Variants in PPHLN1 observed in about 807,000 individuals in gnomAD.
PPHLN1 encodes periphilin-1.
Under a neutral mutation model 51.3 loss-of-function variants are expected in PPHLN1, and 29 were observed. That is an observed-to-expected ratio of 0.57 (90% CI 0.42 to 0.77). PPHLN1 has a LOEUF of 0.77. Among genes scored for constraint, PPHLN1 ranks in the 30% least tolerant of loss-of-function variants. PPHLN1 has a pLI of 0.00. For synonymous variants in PPHLN1, 147 were observed against 147.8 expected, an observed-to-expected ratio of 0.99 and a Z score of 0.04; for missense variants, 436 against 438.4, an observed-to-expected ratio of 0.99 and a Z score of 0.05.
chr12:42,326,738 C>G (rs1592117527), intron 1 of PPHLN1, among the ~76,000 whole-genome samples: 1 of 152,144 alleles, frequency 6.6e-6, no homozygotes, highest in Non-Finnish European at 1.5e-5. Flanking sequence ...TCCTGTAAAT[C>G]TATAATGGCT....
At chr12:42,400,931 C>T (rs1259406735) in intron 9 of PPHLN1, among the ~76,000 whole-genome samples, 1 of 151,958 alleles carries the variant, frequency 6.6e-6, no homozygotes, top group African/African-American at 2.4e-5. Context: ...TGTTGTGAAC[C>T]ATGTTTTCAA....
At chr12:42,396,089 A>G (rs1331710804) in intron 8 of PPHLN1, among the ~76,000 whole-genome samples, 1 of 152,186 alleles carries the variant, frequency 6.6e-6, no homozygotes, top group East Asian at 1.9e-4. Flanking sequence ...AAGAAAAAAA[A>G]AGATTCTAGT....
intron 3 of PPHLN1, 26 bp downstream of exon 3, chr12:42,352,075 A>T: frequency 7.1e-7 from 1 of 1,399,326 alleles, no homozygotes; most frequent in South Asian, 1.9e-5. Context: ...CCATGTACTA[A>T]TTGTTATTTC....
intron 9 of PPHLN1, chr12:42,399,985 A>G (rs960613258): frequency 3.9e-5 from 6 of 152,242 alleles, no homozygotes; most frequent in African/African-American, 7.2e-5. Context: ...CAGTATATCT[A>G]TCTTTAACAC....
chr12:42,355,017 A>G (rs1353254668), intron 3 of PPHLN1, 144 bp from the exon 4 acceptor site: 2 of 685,910 alleles, frequency 2.9e-6, no homozygotes, highest in East Asian at 2.8e-5. Context: ...AGTTGTTGAA[A>G]TGGATGACTT....
chr12:42,436,294 C>A (rs1381407682), intron 9 of PPHLN1, among the ~76,000 whole-genome samples: 2 of 152,188 alleles, frequency 1.3e-5, no homozygotes, highest in Non-Finnish European at 2.9e-5. Flanking sequence ...TTTAGCTATT[C>A]ATTCAACATT....
chr12:42,338,126 C>A (rs1049820317), intron 2 of PPHLN1, among the ~76,000 whole-genome samples: 1 of 152,100 alleles, frequency 6.6e-6, no homozygotes, highest in Non-Finnish European at 1.5e-5. Context: ...AGGGTTTTGC[C>A]GTGTTGGCCA....
intron 9 of PPHLN1, among the ~76,000 whole-genome samples, chr12:42,403,171 T>TAATAGAAAAACA (rs2078990480): frequency 6.6e-6 from 1 of 152,198 alleles, no homozygotes; most frequent in Non-Finnish European, 1.5e-5. Flanking sequence ...TTCTTTGTTT[T>TAATAGAAAAACA]TCCTTTTTAT....
intron 9 of PPHLN1, among the ~76,000 whole-genome samples, chr12:42,409,718 A>G (rs185234720): frequency 1.4e-4 from 21 of 152,156 alleles, no homozygotes; most frequent in Non-Finnish European, 2.2e-4. Flanking sequence ...ATTGTCCTGA[A>G]CGTATCCACT....
At chr12:42,399,122 T>G in intron 9 of PPHLN1, 128 bp downstream of exon 9, 1 of 1,436,686 alleles carries the variant, frequency 7.0e-7, no homozygotes, top group Non-Finnish European at 9.1e-7. Flanking sequence ...CTTAAAAAAT[T>G]ATAAAAATTG....
At chr12:42,404,553 A>AACAACAACAACAACAACAAC (rs1476690035) in intron 9 of PPHLN1, among the ~76,000 whole-genome samples, 11 of 109,450 alleles carry the variant, frequency 1.0e-4, no homozygotes, top group African/African-American at 4.2e-4. Flanking sequence ...ACAACAACAA[A>AACAACAACAACAACAACAAC]AATATTTCAT....
intron 9 of PPHLN1, among the ~76,000 whole-genome samples, chr12:42,425,042 G>A (rs968861058): frequency 3.5e-5 from 5 of 143,712 alleles, no homozygotes; most frequent in South Asian, 2.2e-4. Context: ...TTTATTTTAT[G>A]TATGTATGTA....
chr12:42,416,246 A>G (rs1565984385), intron 9 of PPHLN1, among the ~76,000 whole-genome samples: 1 of 152,198 alleles, frequency 6.6e-6, no homozygotes, highest in East Asian at 1.9e-4. Context: ...TATTGCATTG[A>G]ATTCACAGAG....
intron 9 of PPHLN1, among the ~76,000 whole-genome samples, chr12:42,406,017 C>T (rs1421994512): frequency 1.3e-5 from 2 of 152,002 alleles, no homozygotes; most frequent in African/African-American, 4.8e-5. Context: ...ATCCGTTCAT[C>T]TCCCCTCCTA....
At chr12:42,445,905 T>C, downstream of PPHLN1, 1 of 1,442,750 alleles carries the variant, frequency 6.9e-7, no homozygotes. Context: ...TAAATAGTAA[T>C]ATATGGCATG....
chr12:42,334,776 TC>T (rs2070337410), intron 1 of PPHLN1, among the ~76,000 whole-genome samples: 2 of 152,236 alleles, frequency 1.3e-5, no homozygotes, highest in African/African-American at 4.8e-5. Flanking sequence ...AGAACCTGCT[TC>T]ATGATTGCTT....
chr12:42,415,089 C>A (rs1232292972), intron 9 of PPHLN1, among the ~76,000 whole-genome samples: 3 of 152,126 alleles, frequency 2.0e-5, no homozygotes, highest in Non-Finnish European at 4.4e-5. Flanking sequence ...TGAACGTGGA[C>A]CTATGCTTAC....
rs371819974 is a variant in PPHLN1, at chr12:42,426,228, A to ACACACC, written c.910-15086_910-15085insACACCC. Among the ~76,000 whole-genome samples, 544 of 129,856 alleles carry ACACACC rather than the reference A, an allele frequency of 4.2e-3. 4 individuals are homozygous for ACACACC. The highest frequency in any genetic ancestry group is 0.011 in the South Asian group (45 of 3,966). 85.2% of individuals were successfully genotyped at this position (129,856 alleles called of 152,430 possible). Reference sequence around the variant, plus strand: ...CACACACACACACACACACACACACACCCTCATGCATTGTCTCATGGCAGT... The same window carrying ACACACC: ...CACACACACACACACACACACACACACACACCCCCTCATGCATTGTCTCATGGCAGT... On this transcript the variant is annotated intron_variant, in intron 9 of 9. Coordinates refer to ENST00000358314, the MANE Select transcript of PPHLN1 (RefSeq NM_201439.2).
At chr12:42,347,378 A>G (rs2072510264) in intron 2 of PPHLN1, among the ~76,000 whole-genome samples, 1 of 152,332 alleles carries the variant, frequency 6.6e-6, no homozygotes, top group East Asian at 1.9e-4. Flanking sequence ...GGAAAATTAC[A>G]TGTTTACAGC....
Sources: allele counts gnomAD v4.1 joint callset (sites outside exome capture counted in the v4.1 genomes callset), GRCh38; gene constraint gnomAD v4.1.1; transcripts MANE v1.5; gene names NCBI Gene and HGNC (gene_info 2026-07-23, HGNC 2026-07-21).